The following RARB variants were observed in gnomAD, a reference collection of about 807,000 sequenced individuals.
RARB encodes HBV-activated protein.
A neutral mutation model predicts 51.9 loss-of-function variants in RARB; 17 were observed. That is an observed-to-expected ratio of 0.33 (90% CI 0.22 to 0.49). The LOEUF (loss-of-function observed/expected upper bound fraction) is 0.49, where lower values mean the gene tolerates loss of function less well. Among genes scored for constraint, RARB ranks in the 20% least tolerant of loss-of-function variants. The pLI, the probability that RARB is intolerant of heterozygous loss-of-function variation, is 0.99. For synonymous variants in RARB, 215 were observed against 195.4 expected (o/e 1.10, Z -0.84); for missense variants, 369 against 550.8 (o/e 0.67, Z 3.30).
chr3:25,159,003 A>G (rs1429832329), intron 4 of RARB, among the ~76,000 whole-genome samples: 1 of 152,080 alleles, frequency 6.6e-6, no homozygotes, highest in African/African-American at 2.4e-5. Flanking sequence ...GCTCGGTCTT[A>G]TGCCCCCAGC....
intron 5 of RARB, among the ~76,000 whole-genome samples, chr3:25,581,307 TC>T (rs1310959791): frequency 1.3e-5 from 2 of 152,194 alleles, no homozygotes; most frequent in African/African-American, 4.8e-5. Flanking sequence ...GATTTTACTT[TC>T]CCTATGTTCT....
chr3:25,100,199 T>C (rs886144970), intron 3 of RARB, among the ~76,000 whole-genome samples: 1 of 152,158 alleles, frequency 6.6e-6, no homozygotes, highest in African/African-American at 2.4e-5. Context: ...GTTTTTATAT[T>C]TACAGCCTGG....
At chr3:25,136,738 T>C (rs1475339524) in intron 4 of RARB, among the ~76,000 whole-genome samples, 4 of 151,960 alleles carry the variant, frequency 2.6e-5, no homozygotes, top group Non-Finnish European at 5.9e-5. Flanking sequence ...GGACTGGATT[T>C]CAACACCAAA....
chr3:24,958,202 T>A (rs1241995832), intron 2 of RARB, among the ~76,000 whole-genome samples: 4 of 144,354 alleles, frequency 2.8e-5, no homozygotes, highest in Non-Finnish European at 6.0e-5. Context: ...CTGTTGGACG[T>A]GTTAAAAAAT....
chr3:25,542,808 C>G (rs1178756599), intron 3 of RARB, among the ~76,000 whole-genome samples: 1 of 152,188 alleles, frequency 6.6e-6, no homozygotes, highest in Non-Finnish European at 1.5e-5. Context: ...AAGGGCCCTC[C>G]CAAGTCCTTA....
At chr3:25,200,557 A>G (rs1701363568) in intron 5 of RARB, among the ~76,000 whole-genome samples, 1 of 152,118 alleles carries the variant, frequency 6.6e-6, no homozygotes, top group Non-Finnish European at 1.5e-5. Context: ...GTTTTCTTCT[A>G]GGGTTTTTAT....
intron 5 of RARB, among the ~76,000 whole-genome samples, chr3:25,307,504 A>C (rs1267225157): frequency 6.6e-6 from 1 of 152,200 alleles, no homozygotes; most frequent in African/African-American, 2.4e-5. Context: ...CCTCAATGGC[A>C]TCTCTGGTCA....
chr3:24,986,919 C>G (rs1382873128), intron 2 of RARB, among the ~76,000 whole-genome samples: 1 of 152,090 alleles, frequency 6.6e-6, no homozygotes, highest in Non-Finnish European at 1.5e-5. Flanking sequence ...GCCAAAGAAG[C>G]TAAGAATAGC....
At chr3:25,056,626 T>C (rs982138929) in intron 2 of RARB, among the ~76,000 whole-genome samples, 1 of 152,088 alleles carries the variant, frequency 6.6e-6, no homozygotes, top group African/African-American at 2.4e-5. Context: ...TATAATGAAT[T>C]CTTTAGTATA....
At chr3:25,275,205 T>G (rs1488045722) in intron 5 of RARB, among the ~76,000 whole-genome samples, 1 of 152,112 alleles carries the variant, frequency 6.6e-6, no homozygotes, top group Non-Finnish European at 1.5e-5. Context: ...CTCACGCCTT[T>G]AATCCCAACA....
chr3:25,077,445 A>G (rs528555509), intron 3 of RARB, among the ~76,000 whole-genome samples: 4 of 152,278 alleles, frequency 2.6e-5, no homozygotes, highest in African/African-American at 4.8e-5. Flanking sequence ...AAAAGTTTAT[A>G]TAAATGAACC....
intron 5 of RARB, among the ~76,000 whole-genome samples, chr3:25,365,639 T>G (rs576678393): frequency 2.6e-5 from 4 of 152,260 alleles, no homozygotes; most frequent in African/African-American, 9.6e-5. Flanking sequence ...AAGAGTGACT[T>G]GAAGGCCAGA....
At chr3:24,862,444 T>C (rs1409931312) in intron 2 of RARB, among the ~76,000 whole-genome samples, 2 of 152,180 alleles carry the variant, frequency 1.3e-5, no homozygotes, top group Non-Finnish European at 2.9e-5. Context: ...TGGTTACCCA[T>C]AGTTAACAGG....
intron 4 of RARB, among the ~76,000 whole-genome samples, chr3:25,133,896 A>G (rs1032106010): frequency 1.3e-5 from 2 of 151,628 alleles, no homozygotes; most frequent in African/African-American, 4.8e-5. Flanking sequence ...TGTGAAGTTA[A>G]TTAAATATTA....
chr3:25,017,886 A>G (rs1697549912), intron 2 of RARB, among the ~76,000 whole-genome samples: 1 of 152,120 alleles, frequency 6.6e-6, no homozygotes, highest in Non-Finnish European at 1.5e-5. Flanking sequence ...GGAGGTGATT[A>G]GCTTTTAAGG....
intron 5 of RARB, among the ~76,000 whole-genome samples, chr3:25,353,757 C>T (rs1705647311): frequency 6.6e-6 from 1 of 151,966 alleles, no homozygotes; most frequent in Non-Finnish European, 1.5e-5. Flanking sequence ...TATGGTGAGG[C>T]CAGAGAGGTC....
intron 1 of RARB, among the ~76,000 whole-genome samples, chr3:25,440,474 T>C (rs1708620477): frequency 6.7e-6 from 1 of 150,260 alleles, no homozygotes; most frequent in African/African-American, 2.5e-5. Flanking sequence ...AAGAAATTTA[T>C]TTAAAAAAAA....
intron 3 of RARB, among the ~76,000 whole-genome samples, chr3:25,554,552 C>G (rs1449966827): frequency 6.6e-6 from 1 of 152,018 alleles, no homozygotes; most frequent in Non-Finnish European, 1.5e-5. Context: ...TTCTATCTGG[C>G]CTATTAGGAG....
At chr3:24,994,403 CT>C (rs1322580738) in intron 2 of RARB, among the ~76,000 whole-genome samples, 2 of 152,050 alleles carry the variant, frequency 1.3e-5, no homozygotes, top group East Asian at 3.8e-4. Context: ...TATTAATCCC[CT>C]ATCAGATGAG....
Sources: gnomAD v4.1 joint callset for allele counts (sites outside exome capture counted in the v4.1 genomes callset) on GRCh38, gnomAD v4.1.1 for gene constraint, MANE v1.5 for transcripts, NCBI Gene and HGNC (gene_info 2026-07-23, HGNC 2026-07-21) for gene names.